AGBL4: variants seen among roughly 807,000 people sequenced by gnomAD.
AGBL4 encodes the protein AGBL carboxypeptidase 4, also known as cytosolic carboxypeptidase 6.
Under a neutral mutation model 66.4 loss-of-function variants are expected in AGBL4, and 58 were observed. That is an observed-to-expected ratio of 0.87 (90% CI 0.71 to 1.09). The LOEUF is 1.09. Among genes scored for constraint, AGBL4 ranks in the 50% least tolerant of loss-of-function variants. The pLI, the probability that AGBL4 is intolerant of heterozygous loss-of-function variation, is 0.00. For synonymous variants in AGBL4, 234 were observed against 222.9 expected (o/e 1.05, Z -0.44); for missense variants, 579 against 631.0 (o/e 0.92, Z 0.88).
At chr1:49,053,543 T>A (rs1368240798) in intron 4 of AGBL4, among the ~76,000 whole-genome samples, 3 of 152,090 alleles carry the variant, frequency 2.0e-5, no homozygotes, top group Non-Finnish European at 2.9e-5. Flanking sequence ...CAATAGGAAA[T>A]GTGGAAAATA....
At chr1:49,951,847 G>A (rs1036953496) in intron 1 of AGBL4, among the ~76,000 whole-genome samples, 6 of 151,858 alleles carry the variant, frequency 4.0e-5, no homozygotes, top group Non-Finnish European at 7.4e-5. Flanking sequence ...TAAAGTTGTG[G>A]AAAGGAGTAG....
intron 3 of AGBL4, among the ~76,000 whole-genome samples, chr1:49,638,771 C>T (rs1475459857): frequency 6.6e-6 from 1 of 152,160 alleles, no homozygotes; most frequent in Non-Finnish European, 1.5e-5. Context: ...AACCATGAGT[C>T]CACTAAACCT....
chr1:50,001,416 T>TG (rs1660740119), intron 1 of AGBL4, among the ~76,000 whole-genome samples: 1 of 120,144 alleles, frequency 8.3e-6, no homozygotes, highest in African/African-American at 3.0e-5. Context: ...AAAAAAATAA[T>TG]TTGTGTGTGT....
In AGBL4 at chr1:49,133,568, A is replaced by G. The variant is rs938520593; in HGVS notation, c.378-87768T>C. Among the ~76,000 whole-genome samples, 3 of 152,172 alleles carry G rather than the reference A, an allele frequency of 2.0e-5. No homozygotes were observed. The East Asian group carries it at 5.8e-4, about 29-fold the overall frequency. On this transcript the variant is annotated intron_variant, in intron 4 of 13. Transcript: ENST00000371839. The stretch of plus-strand genomic sequence containing the variant: ...ATATTCCTCCATCAAATTGTCAACT[A>G]TTAAAAATAGTATAATATGTAGTAT...
intron 3 of AGBL4, among the ~76,000 whole-genome samples, chr1:49,298,864 C>T (rs1172866411): frequency 6.6e-6 from 1 of 152,116 alleles, no homozygotes; most frequent in Non-Finnish European, 1.5e-5. Flanking sequence ...TCTTCTCTGC[C>T]TTAGTCTGAC....
chr1:48,559,367 C>A (rs1465905630), intron 11 of AGBL4, among the ~76,000 whole-genome samples: 4 of 152,094 alleles, frequency 2.6e-5, no homozygotes, highest in African/African-American at 9.7e-5. Flanking sequence ...TACACACACA[C>A]AAACATGCAC....
chr1:49,620,280 A>C (rs753762829), intron 3 of AGBL4, among the ~76,000 whole-genome samples: 2 of 152,200 alleles, frequency 1.3e-5, no homozygotes, highest in African/African-American at 2.4e-5. Context: ...AGAAAAAAAC[A>C]AACCACCCCA....
intron 5 of AGBL4, among the ~76,000 whole-genome samples, chr1:48,950,206 C>T (rs1438772092): frequency 6.6e-6 from 1 of 152,318 alleles, no homozygotes; most frequent in South Asian, 2.1e-4. Flanking sequence ...AAGCAATTCT[C>T]CTGCCTCAGT....
intron 6 of AGBL4, among the ~76,000 whole-genome samples, chr1:48,748,682 G>A (rs1039050101): frequency 4.6e-5 from 7 of 152,102 alleles, no homozygotes; most frequent in African/African-American, 1.7e-4. Context: ...TGCACAAAGG[G>A]TGCAATGTGA....
chr1:49,605,068 A>G (rs1261579893), intron 3 of AGBL4, among the ~76,000 whole-genome samples: 1 of 152,148 alleles, frequency 6.6e-6, no homozygotes, highest in African/African-American at 2.4e-5. Context: ...TTTTATCTCT[A>G]CATTACCTAT....
At chr1:48,865,944 CTA>C (rs1648024039) in intron 6 of AGBL4, among the ~76,000 whole-genome samples, 2 of 152,104 alleles carry the variant, frequency 1.3e-5, no homozygotes, top group African/African-American at 4.8e-5. Flanking sequence ...TTTGGAATTT[CTA>C]TATATGTTAA....
chr1:48,645,703 A>T (rs1645824466), intron 8 of AGBL4, among the ~76,000 whole-genome samples: 1 of 152,202 alleles, frequency 6.6e-6, no homozygotes, highest in Non-Finnish European at 1.5e-5. Context: ...TAAATGAAAC[A>T]ATTAATGCAA....
intron 6 of AGBL4, among the ~76,000 whole-genome samples, chr1:48,864,372 A>G (rs1443967217): frequency 3.3e-5 from 5 of 152,188 alleles, no homozygotes; most frequent in African/African-American, 1.2e-4. Context: ...TTGGAAAACA[A>G]TTGGTCATTA....
intron 1 of AGBL4, among the ~76,000 whole-genome samples, chr1:49,901,445 T>C (rs1176835635): frequency 6.6e-6 from 1 of 151,936 alleles, no homozygotes; most frequent in East Asian, 1.9e-4. Context: ...ACTCACATTG[T>C]CACAAAAAAA....
At chr1:48,569,574 C>A (rs1402680662) in intron 11 of AGBL4, among the ~76,000 whole-genome samples, 4 of 152,168 alleles carry the variant, frequency 2.6e-5, no homozygotes, top group Non-Finnish European at 5.9e-5. Context: ...TCCTTACTAA[C>A]TTCTTCCAAA....
chr1:48,881,156 C>T (rs4457622), intron 5 of AGBL4, among the ~76,000 whole-genome samples: 11,633 of 152,060 alleles, frequency 0.077, 775 homozygotes, highest in East Asian at 0.35. Flanking sequence ...GTTCATATTG[C>T]CACATTGATT....
intron 1 of AGBL4, among the ~76,000 whole-genome samples, chr1:49,950,708 A>G (rs909379678): frequency 1.3e-5 from 2 of 151,822 alleles, no homozygotes; most frequent in African/African-American, 4.8e-5. Context: ...AAACTATCAT[A>G]TGACCCAGCA....
At chr1:48,558,841 G>A (rs1232192007) in intron 11 of AGBL4, among the ~76,000 whole-genome samples, 1 of 152,182 alleles carries the variant, frequency 6.6e-6, no homozygotes, top group Non-Finnish European at 1.5e-5. Context: ...AAGTCAGTTT[G>A]AGTTGGGTTT....
chr1:49,054,109 T>C (rs543676951), intron 4 of AGBL4, among the ~76,000 whole-genome samples: 5 of 152,238 alleles, frequency 3.3e-5, no homozygotes, highest in African/African-American at 1.2e-4. Context: ...GCTTATTATT[T>C]ACATGACTAT....
Sources: allele counts gnomAD v4.1 joint callset (sites outside exome capture counted in the v4.1 genomes callset), GRCh38; gene constraint gnomAD v4.1.1; transcripts MANE v1.5; gene names NCBI Gene and HGNC (gene_info 2026-07-23, HGNC 2026-07-21).